MROH2B: variants seen among roughly 807,000 people sequenced by gnomAD.
MROH2B encodes maestro heat-like repeat-containing protein family member 2B.
MROH2B carries 177 observed loss-of-function variants against 208.6 expected under a neutral mutation model. The observed-to-expected ratio is 0.85, with a 90% confidence interval of 0.75 to 0.96. The LOEUF is 0.96. MROH2B is among the 40% of genes least tolerant of loss of function. MROH2B has a pLI of 0.00. For synonymous variants in MROH2B, 728 were observed against 659.0 expected, an observed-to-expected ratio of 1.10 and a Z score of -1.60; for missense variants, 2,002 against 1,878.7, an observed-to-expected ratio of 1.07 and a Z score of -1.21.
At chr5:41,051,362 C>G (rs545540998) in intron 12 of MROH2B, 152 of 254,178 alleles carry the variant, frequency 6.0e-4, no homozygotes, top group African/African-American at 3.2e-3. Context: ...CTTTCTCAGG[C>G]CTTTGCCATT....
intron 5 of MROH2B, among the ~76,000 whole-genome samples, chr5:41,063,215 G>C (rs1743694390): frequency 6.6e-6 from 1 of 152,142 alleles, no homozygotes; most frequent in Admixed American, 6.5e-5. Context: ...GCTGTTAGAG[G>C]CTCCAAAGTT....
intron 30 of MROH2B, among the ~76,000 whole-genome samples, chr5:41,010,696 C>T (rs112456887): frequency 3.3e-5 from 5 of 152,276 alleles, no homozygotes; most frequent in African/African-American, 1.2e-4. Context: ...CTGGTGGATA[C>T]ATGTCATTAT....
At chr5:41,042,258 C>T (rs2150171919) in intron 18 of MROH2B, 50 bp from the exon 19 acceptor site, 1 of 1,150,516 alleles carries the variant, frequency 8.7e-7, no homozygotes, top group East Asian at 2.6e-5. Context: ...GAAAGCAAGA[C>T]TCTGATGAAA....
chr5:41,037,408 C>G (rs1220331195), intron 21 of MROH2B, among the ~76,000 whole-genome samples: 1 of 152,160 alleles, frequency 6.6e-6, no homozygotes, highest in Admixed American at 6.5e-5. Flanking sequence ...TCTTGAGGAG[C>G]ATGTTGAAAA....
intron 31 of MROH2B, 136 bp downstream of exon 31, chr5:41,009,785 AC>A (rs1741715098): frequency 1.3e-6 from 1 of 770,864 alleles, no homozygotes; most frequent in African/African-American, 1.7e-5. Context: ...TGATTCAAAT[AC>A]CAATTGTTAA....
In MROH2B at chr5:41,071,129, C is replaced by A. The variant is rs770008791; in HGVS notation, c.-277G>T. ...TGGCTGCATCTCACCAAATATTGTC[C>A]CTTTGGTGACCAGAGTATTTGGGAA... On this transcript the variant is annotated 5_prime_UTR_variant, in exon 1 of 42. Transcript: ENST00000399564. 2.6e-6 allele frequency: 1 copy of A among 387,976 alleles called. No individual in the cohort carries two copies. Among genetic ancestry groups the A allele is most frequent in the Non-Finnish European group, 4.7e-6 (1 of 214,350 alleles). 24.0% of individuals were successfully genotyped at this position (387,976 alleles called of 1,614,324 possible).
Position 41,033,527 on chromosome 5 carries a change from A to G in MROH2B, c.2241+311T>C, listed in dbSNP as rs1032099048. Among the ~76,000 whole-genome samples the G allele has an allele frequency of 4.6e-5, 7 of 152,122 alleles. No homozygotes were observed. In the East Asian group the frequency reaches 1.2e-3, roughly 25 times the overall value. Reference sequence around the variant, plus strand: ...AAGTAAAGTACTCTGTTGTTTCACTAAAGAATTTTTCTGGTTGTGACCTAT... The same window carrying G: ...AAGTAAAGTACTCTGTTGTTTCACTGAAGAATTTTTCTGGTTGTGACCTAT... On this transcript the variant is annotated intron_variant, in intron 22 of 41. Coordinates refer to ENST00000399564, the MANE Select transcript of MROH2B (RefSeq NM_173489.5).
At position 41,018,375 on chromosome 5, in the gene MROH2B, T is replaced by C; in HGVS notation, c.2729A>G (p.Gln910Arg). ...QKEWERERAFQITAKVLTNDI... is the reference protein window; with the variant it reads ...QKEWERERAFRITAKVLTNDI... Reference sequence around the variant, plus strand: ...ATTTGTCAGCACTTTCGCAGTGATCTGGAAGGCTCTTTCTCTTTCCCACTC... The same window carrying C: ...ATTTGTCAGCACTTTCGCAGTGATCCGGAAGGCTCTTTCTCTTTCCCACTC... The change falls in exon 27 of 42, where the codon CAG becomes CGG. Residue 910 changes from glutamine (Q) to arginine (R), a missense_variant. Gln to Arg is a conservative substitution (Grantham distance 43). Transcript: ENST00000399564. The C allele has an allele frequency of 1.2e-6, 2 of 1,613,366 alleles. No individual in the cohort carries two copies. The highest frequency in any genetic ancestry group is 1.7e-6 in the Non-Finnish European group (2 of 1,179,762).
chr5:41,032,679 T>A, intron 24 of MROH2B, 63 bp downstream of exon 24: 1 of 1,349,192 alleles, frequency 7.4e-7, no homozygotes, highest in Non-Finnish European at 1.0e-6. Flanking sequence ...CAGATGTTAG[T>A]TGATCAGGAG....
intron 31 of MROH2B, 126 bp from the exon 32 acceptor site, chr5:41,009,532 C>A: frequency 8.2e-7 from 1 of 1,225,840 alleles, no homozygotes. Context: ...GGACATGCTG[C>A]CATGCCTGGG....
intron 18 of MROH2B, among the ~76,000 whole-genome samples, chr5:41,043,053 C>A (rs1322684203): frequency 6.6e-6 from 1 of 152,196 alleles, no homozygotes; most frequent in Non-Finnish European, 1.5e-5. Context: ...AAGGACTCTG[C>A]ACAGCTGGCA....
At chr5:41,033,812 TC>T (rs779658863) in intron 22 of MROH2B, 25 bp downstream of exon 22, 18 of 1,003,786 alleles carry the variant, frequency 1.8e-5, no homozygotes, top group African/African-American at 1.1e-4. Context: ...TATCTATCTA[TC>T]TATCTATCTA....
chr5:41,031,792 G>A (rs1303450576), intron 24 of MROH2B, among the ~76,000 whole-genome samples: 2 of 151,998 alleles, frequency 1.3e-5, no homozygotes, highest in Admixed American at 1.3e-4. Flanking sequence ...TTGTGTCCAT[G>A]TCTACTCAGT....
intron 15 of MROH2B, 28 bp from the exon 16 acceptor site, chr5:41,048,493 C>T (rs1561299782): frequency 1.3e-6 from 2 of 1,576,332 alleles, no homozygotes; most frequent in African/African-American, 2.7e-5. Context: ...AGGAGCTCAT[C>T]AATTTCAGGG....
intron 41 of MROH2B, 38 bp from the exon 42 acceptor site, chr5:40,998,196 A>G: frequency 6.5e-7 from 1 of 1,547,716 alleles, no homozygotes; most frequent in Non-Finnish European, 8.9e-7. Flanking sequence ...GGAGGAGGAG[A>G]GTCAGAGCCC....
chr5:41,061,802 T>A (rs1266177638), intron 5 of MROH2B, 78 bp from the exon 6 acceptor site: 4 of 1,411,950 alleles, frequency 2.8e-6, no homozygotes, highest in Non-Finnish European at 3.8e-6. Context: ...GAGAAGAGAG[T>A]GCTGATGATT....
At chr5:41,024,360 A>AC (rs1742272503) in intron 24 of MROH2B, among the ~76,000 whole-genome samples, 1 of 152,164 alleles carries the variant, frequency 6.6e-6, no homozygotes, top group Admixed American at 6.6e-5. Context: ...CAAATGGAAA[A>AC]CAAAAAAAGG....
At position 41,066,479 on chromosome 5, in the gene MROH2B, C is replaced by T. The variant is rs546945680; in HGVS notation, c.201+629G>A. ...AGTTCAGGGCCAACCAGTGGTGAGA[C>T]TCTGGTCATTCCACCTCTTGTCTTT... On this transcript the variant is annotated intron_variant, in intron 3 of 41. Transcript: ENST00000399564. 1.2e-3 allele frequency among the ~76,000 whole-genome samples: 186 copies of T among 152,280 alleles called. 1 individual carries two copies. The highest frequency in any genetic ancestry group is 3.3e-3 in the Admixed American group (50 of 15,300).
chr5:41,065,564 G>A, intron 3 of MROH2B, 74 bp from the exon 4 acceptor site: 3 of 1,183,038 alleles, frequency 2.5e-6, no homozygotes, highest in African/African-American at 1.5e-5. Flanking sequence ...GAACTAGTCA[G>A]CATAATATTT....
Sources: gnomAD v4.1 joint callset for allele counts (sites outside exome capture counted in the v4.1 genomes callset) on GRCh38, gnomAD v4.1.1 for gene constraint, MANE v1.5 for transcripts, NCBI Gene and HGNC (gene_info 2026-07-23, HGNC 2026-07-21) for gene names.